ABLIM1: variants seen among roughly 807,000 people sequenced by gnomAD.
ABLIM1 encodes actin binding LIM protein 1, also known as actin-binding LIM protein 1.
In ABLIM1, 40 loss-of-function variants were observed where a neutral mutation model predicts 107.0. The ratio of observed to expected loss-of-function variants is 0.37; its 90% CI spans 0.29 to 0.49. The LOEUF is 0.49. Among genes scored for constraint, ABLIM1 ranks in the 20% least tolerant of loss-of-function variants. The pLI, the probability that ABLIM1 is intolerant of heterozygous loss-of-function variation, is 0.97. For missense variants in ABLIM1, 857 were observed against 1,008.5 expected (o/e 0.85, Z 2.04); for synonymous variants, 357 against 357.3 (o/e 1.00, Z 0.01).
At chr10:114,563,920 T>G (rs552589963) in intron 4 of ABLIM1, among the ~76,000 whole-genome samples, 10 of 145,120 alleles carry the variant, frequency 6.9e-5, no homozygotes, top group African/African-American at 2.6e-4. Flanking sequence ...ATGAGATGTT[T>G]GTTGAACGAG....
intron 1 of ABLIM1, among the ~76,000 whole-genome samples, chr10:114,640,656 C>T (rs2078702639): frequency 6.6e-6 from 1 of 152,268 alleles, no homozygotes; most frequent in South Asian, 2.1e-4. Flanking sequence ...CCGTGTAATA[C>T]AAATTGTGTA....
chr10:114,650,079 C>T (rs981407359), intron 1 of ABLIM1, among the ~76,000 whole-genome samples: 3 of 152,010 alleles, frequency 2.0e-5, no homozygotes. Flanking sequence ...CTGGTCTCGA[C>T]CTCCTGACCT....
chr10:114,487,117 A>C (rs531641993), intron 8 of ABLIM1, among the ~76,000 whole-genome samples: 5 of 152,190 alleles, frequency 3.3e-5, no homozygotes, highest in African/African-American at 1.2e-4. Flanking sequence ...GATTGCATAC[A>C]TAGCTTCTGA....
At chr10:114,704,474 C>T (rs190631724) in intron 1 of ABLIM1, among the ~76,000 whole-genome samples, 305 of 151,714 alleles carry the variant, frequency 2.0e-3, no homozygotes, top group South Asian at 0.012. Flanking sequence ...CTGCTTTGGC[C>T]GGCTACTAAG....
chr10:114,632,099 C>T (rs1414234710), intron 1 of ABLIM1: 21 of 985,182 alleles, frequency 2.1e-5, no homozygotes, highest in South Asian at 4.7e-5. Flanking sequence ...GGCCCCGCTC[C>T]CATGCCCGCC....
At chr10:114,758,986 C>T (rs2082687890) in intron 1 of ABLIM1, among the ~76,000 whole-genome samples, 1 of 152,120 alleles carries the variant, frequency 6.6e-6, no homozygotes, top group Non-Finnish European at 1.5e-5. Flanking sequence ...TATGCATGTT[C>T]AGCTCTTCCT....
At position 114,571,425 on chromosome 10, in the gene ABLIM1, C is replaced by A; in HGVS notation, c.564-19G>T. On this transcript the variant is annotated intron_variant, in intron 3 of 22. Coordinates refer to ENST00000533213, the MANE Select transcript of ABLIM1 (RefSeq NM_002313.7). ...CGGGCGCCTGGAGGCAGAAAGACAT[C>A]GCCCTCAAGGTTATTGCAGCAATTT... The A allele has an allele frequency of 2.5e-6, 4 of 1,608,128 alleles. No individual in the cohort carries two copies. The highest frequency in any genetic ancestry group is 3.4e-6 in the Non-Finnish European group (4 of 1,174,542).
chr10:114,702,139 T>C (rs1255107362), intron 1 of ABLIM1, among the ~76,000 whole-genome samples: 2 of 152,224 alleles, frequency 1.3e-5, no homozygotes, highest in Admixed American at 1.3e-4. Flanking sequence ...AGCTGGTTGA[T>C]TTTCATTACT....
chr10:114,685,574 T>G (rs1199175054), upstream of ABLIM1, among the ~76,000 whole-genome samples: 1 of 152,174 alleles, frequency 6.6e-6, no homozygotes, highest in Admixed American at 6.5e-5. Flanking sequence ...CTTCCCCTGG[T>G]CCAGGCTACT....
intron 1 of ABLIM1, among the ~76,000 whole-genome samples, chr10:114,756,941 A>G (rs747414281): frequency 2.0e-5 from 3 of 152,064 alleles, no homozygotes; most frequent in Non-Finnish European, 4.4e-5. Context: ...TCACTCTGGA[A>G]CTCTATAAGG....
At chr10:114,780,582 CCT>C in the ABLIM1 span, among the ~76,000 whole-genome samples, 1 of 152,106 alleles carries the variant, frequency 6.6e-6, no homozygotes, top group Admixed American at 6.6e-5. Context: ...CCCCCAACCC[CCT>C]GATTCCTTGG....
intron 2 of ABLIM1, among the ~76,000 whole-genome samples, chr10:114,585,738 G>A (rs1472359142): frequency 6.6e-6 from 1 of 152,058 alleles, no homozygotes; most frequent in Non-Finnish European, 1.5e-5. Flanking sequence ...ACTTCACCCA[G>A]GCTCCCGGCC....
chr10:114,527,446 C>T (rs2064939764), intron 6 of ABLIM1, among the ~76,000 whole-genome samples: 1 of 152,204 alleles, frequency 6.6e-6, no homozygotes, highest in Admixed American at 6.5e-5. Context: ...TGGCTAGCTA[C>T]TGGCTATGTT....
intron 4 of ABLIM1, among the ~76,000 whole-genome samples, chr10:114,556,877 T>C (rs553440036): frequency 1.3e-5 from 2 of 152,184 alleles, no homozygotes; most frequent in Non-Finnish European, 1.5e-5. Context: ...GCAAACACCA[T>C]GCGTATGAGG....
intron 4 of ABLIM1, among the ~76,000 whole-genome samples, chr10:114,565,188 G>A (rs2070484204): frequency 6.6e-6 from 1 of 152,222 alleles, no homozygotes. Flanking sequence ...AAGAAGGAGA[G>A]GCAGATCTGT....
chr10:114,742,527 A>C (rs536558791), intron 1 of ABLIM1, among the ~76,000 whole-genome samples: 1 of 152,344 alleles, frequency 6.6e-6, no homozygotes, highest in South Asian at 2.1e-4. Flanking sequence ...CACAGGCAGA[A>C]TACCCAGACC....
intron 1 of ABLIM1, among the ~76,000 whole-genome samples, chr10:114,675,581 T>C (rs1591802521): frequency 6.6e-6 from 1 of 152,350 alleles, no homozygotes; most frequent in East Asian, 1.9e-4. Flanking sequence ...TATGTCCTTA[T>C]AGCAGTGTGA....
At position 114,445,385 on chromosome 10, in the gene ABLIM1, C is replaced by A. The variant is rs2060858786; in HGVS notation, c.1754G>T (p.Arg585Ile). Residue 585 changes from arginine to isoleucine, a missense_variant, in exon 16 of 23, where the codon AGA (arginine) becomes ATA (isoleucine). Physicochemically the swap from Arg to Ile is moderately conservative, Grantham distance 97. Around this residue, in one of 5 missense-constraint regions of ABLIM1, gnomAD observed 103 missense variants for 101.0 expected, o/e 1.02. Coordinates refer to ENST00000533213, the MANE Select transcript of ABLIM1 (RefSeq NM_002313.7). Reference protein sequence around the residue: ...FAVVGPDMKRRSSGREEDDEE... With the variant: ...FAVVGPDMKRISSGREEDDEE... ...ATCATCTTCCTCTCTGCCACTAGAT[C>A]TGCGTTTCATGTCAGGTCCTAATTC... is the stretch of plus-strand genomic sequence containing the variant. 7 of 1,613,400 alleles carry A rather than the reference C, an allele frequency of 4.3e-6. No individual in the cohort carries two copies. The highest frequency in any genetic ancestry group is 2.7e-5 in the African/African-American group (2 of 75,046).
At chr10:114,637,634 G>A (rs893197386) in intron 1 of ABLIM1, among the ~76,000 whole-genome samples, 11 of 152,172 alleles carry the variant, frequency 7.2e-5, no homozygotes, top group Non-Finnish European at 1.2e-4. Flanking sequence ...AAGAAAAATC[G>A]TGAAAATTAC....
Sources: gnomAD v4.1 joint callset for allele counts (sites outside exome capture counted in the v4.1 genomes callset) on GRCh38, gnomAD v4.1.1 for gene constraint, gnomAD v4.1.1 regional missense constraint, MANE v1.5 for transcripts, NCBI Gene and HGNC (gene_info 2026-07-23, HGNC 2026-07-21) for gene names.